The following FRMPD4 variants were observed in gnomAD, a reference collection of about 807,000 sequenced individuals.
The protein encoded by FRMPD4 is FERM and PDZ domain containing 4.
A neutral mutation model predicts 94.1 loss-of-function variants in FRMPD4; 22 were observed. The observed-to-expected ratio is 0.23, with a 90% CI of 0.17 to 0.33. The LOEUF is 0.33. Among genes scored for constraint, FRMPD4 ranks in the 10% least tolerant of loss-of-function variants. The pLI is 1.00. For missense variants in FRMPD4, 1,111 were observed against 1,339.9 expected (o/e 0.83, Z 2.67); for synonymous variants, 631 against 548.6 (o/e 1.15, Z -2.10).
intron 1 of FRMPD4, among the ~76,000 whole-genome samples, chrX:12,333,620 T>C (rs1184351375): frequency 8.9e-6 from 1 of 112,077 alleles, no homozygotes; most frequent in Non-Finnish European, 1.9e-5. Flanking sequence ...CTTTTATGAC[T>C]CTGTGTGGTC....
At chrX:12,256,945 T>A (rs889642443) in intron 1 of FRMPD4, among the ~76,000 whole-genome samples, 2 of 111,949 alleles carry the variant, frequency 1.8e-5, no homozygotes, top group African/African-American at 6.5e-5. Context: ...ATTATCTCAG[T>A]GTTCTAATTT....
At chrX:12,625,331 T>G (rs1345484587) in intron 4 of FRMPD4, among the ~76,000 whole-genome samples, 1 of 111,799 alleles carries the variant, frequency 8.9e-6, no homozygotes, top group Non-Finnish European at 1.9e-5. Context: ...AAGAGATATC[T>G]GCACTCTCGT....
intron 1 of FRMPD4, among the ~76,000 whole-genome samples, chrX:12,380,186 G>A (rs2056300249): frequency 8.9e-6 from 1 of 111,950 alleles, no homozygotes; most frequent in Admixed American, 9.5e-5. Flanking sequence ...TTTGTTTAAG[G>A]TACCAGTTAG....
intron 1 of FRMPD4, among the ~76,000 whole-genome samples, chrX:12,448,319 C>T (rs1338169768): frequency 9.0e-6 from 1 of 111,676 alleles, no homozygotes; most frequent in Non-Finnish European, 1.9e-5. Context: ...TTCATGTTAT[C>T]GGACAATAAG....
At chrX:12,230,698 C>A (rs764244611) in intron 1 of FRMPD4, among the ~76,000 whole-genome samples, 3 of 106,294 alleles carry the variant, frequency 2.8e-5, no homozygotes, top group Non-Finnish European at 5.8e-5. Flanking sequence ...AGGACATAAA[C>A]CAAAGAGTTT....
chrX:12,387,673 G>C (rs780885867), intron 1 of FRMPD4, among the ~76,000 whole-genome samples: 2 of 109,725 alleles, frequency 1.8e-5, no homozygotes, highest in African/African-American at 6.7e-5. Context: ...TGATATATGG[G>C]TATCATGTCA....
chrX:12,613,127 G>T (rs1406839393), intron 3 of FRMPD4, among the ~76,000 whole-genome samples: 3 of 112,245 alleles, frequency 2.7e-5, no homozygotes, highest in Non-Finnish European at 5.6e-5. Flanking sequence ...CCCAGAGTCA[G>T]ACCTGTGGAA....
intron 1 of FRMPD4, among the ~76,000 whole-genome samples, chrX:12,267,447 A>G (rs2054292839): frequency 8.9e-6 from 1 of 112,348 alleles, no homozygotes; most frequent in Non-Finnish European, 1.9e-5. Context: ...CTTGAAAATG[A>G]AATCTTGAAG....
chrX:12,039,988 AAAAAAAG>A (rs1312001598), intron 3 of FRMPD4, among the ~76,000 whole-genome samples: 1 of 95,423 alleles, frequency 1.0e-5, no homozygotes, highest in Non-Finnish European at 2.4e-5. Flanking sequence ...AAAAAAAGAA[AAAAAAAG>A]AAAAAAGAAT....
At chrX:12,537,580 G>A (rs1417048204) in intron 2 of FRMPD4, among the ~76,000 whole-genome samples, 1 of 105,874 alleles carries the variant, frequency 9.4e-6, no homozygotes, top group Non-Finnish European at 1.9e-5. Context: ...AGCCTCTGGA[G>A]TATCTGGGAC....
At chrX:11,934,821 G>T (rs2054143279) in intron 3 of FRMPD4, among the ~76,000 whole-genome samples, 1 of 111,556 alleles carries the variant, frequency 9.0e-6, no homozygotes, top group African/African-American at 3.3e-5. Context: ...AGGAATGAAT[G>T]ATGTCCTTGA....
intron 2 of FRMPD4, among the ~76,000 whole-genome samples, chrX:11,866,111 C>T (rs1020721945): frequency 9.0e-6 from 1 of 111,673 alleles, no homozygotes; most frequent in Non-Finnish European, 1.9e-5. Context: ...AAACAAGGAA[C>T]GAAAAGCAGA....
At chrX:11,906,856 T>C (rs2053971001) in intron 3 of FRMPD4, among the ~76,000 whole-genome samples, 2 of 111,247 alleles carry the variant, frequency 1.8e-5, no homozygotes, top group Non-Finnish European at 3.8e-5. Flanking sequence ...GGTTGGTATG[T>C]TTGATATTGT....
chrX:12,331,224 G>A (rs1431497510), intron 1 of FRMPD4, among the ~76,000 whole-genome samples: 1 of 87,350 alleles, frequency 1.1e-5, no homozygotes, highest in Non-Finnish European at 2.3e-5. Context: ...TCGGGATTTC[G>A]TTTTTTTTTT....
chrX:11,905,853 CAG>C (rs749261393), intron 3 of FRMPD4, among the ~76,000 whole-genome samples: 1 of 111,437 alleles, frequency 9.0e-6, no homozygotes, highest in East Asian at 2.8e-4. Context: ...ATGAAGCACA[CAG>C]AAAGTTTTTG....
chrX:11,885,502 G>A (rs1010209431), intron 3 of FRMPD4, among the ~76,000 whole-genome samples: 4 of 110,904 alleles, frequency 3.6e-5, no homozygotes, highest in African/African-American at 1.3e-4. Context: ...AGACTACTAA[G>A]CTGTACACTA....
At chrX:12,213,482 G>A (rs1161397944) in intron 1 of FRMPD4, among the ~76,000 whole-genome samples, 2 of 111,995 alleles carry the variant, frequency 1.8e-5, no homozygotes, top group African/African-American at 6.5e-5. Flanking sequence ...TTCTTATGAA[G>A]AAGCTGAGAC....
At chrX:12,051,061 A>G (rs1218919544) in intron 3 of FRMPD4, among the ~76,000 whole-genome samples, 1 of 111,648 alleles carries the variant, frequency 9.0e-6, no homozygotes, top group East Asian at 2.8e-4. Flanking sequence ...CATTGCATAA[A>G]GATACATACA....
rs147766776 is a variant in FRMPD4 at position 11,831,991 on chromosome X, C to T, written c.-161+9276C>T. On this transcript the variant is annotated intron_variant, in intron 1 of 18. Transcript: ENST00000640291. ...TGAATATCCTTCAAGAGGAAAATGA[C>T]CTGGGCACAAACTAATGAATGTGCT... 1.1e-4 allele frequency among the ~76,000 whole-genome samples: 12 copies of T among 111,772 alleles called. No individual in the cohort carries two copies. The East Asian group carries it at 3.1e-3, about 29-fold the overall frequency.
Sources: allele counts gnomAD v4.1 joint callset (sites outside exome capture counted in the v4.1 genomes callset), GRCh38; gene constraint gnomAD v4.1.1; transcripts MANE v1.5; gene names NCBI Gene and HGNC (gene_info 2026-07-23, HGNC 2026-07-21).